Variants in IARS2 observed in about 807,000 individuals in gnomAD.
IARS2 encodes the protein isoleucyl-tRNA synthetase 2, mitochondrial, also known as isoleucine--tRNA ligase, mitochondrial.
Under a neutral mutation model 126.3 loss-of-function variants are expected in IARS2, and 56 were observed. The ratio of observed to expected loss-of-function variants is 0.44; its 90% CI spans 0.36 to 0.55. The LOEUF is 0.55. Among genes scored for constraint, IARS2 ranks in the 20% least tolerant of loss-of-function variants. The probability of loss-of-function intolerance (pLI) is 0.00; values close to 1 mark genes in which losing one functional copy is unlikely to be tolerated. For missense variants in IARS2, 1,127 were observed against 1,245.9 expected (o/e 0.90, Z 1.44); for synonymous variants, 407 against 441.1 (o/e 0.92, Z 0.97).
At chr1:220,142,069 G>A (rs529829903) in intron 20 of IARS2, 121 bp downstream of exon 20, 12 of 892,412 alleles carry the variant, frequency 1.3e-5, no homozygotes, top group Non-Finnish European at 1.9e-5. Flanking sequence ...GTGTGACACA[G>A]TGTGTCTTGG....
chr1:220,143,058 G>C lies in IARS2; in HGVS notation c.2675G>C (p.Ser892Thr). The C allele has an allele frequency of 6.2e-7, 1 of 1,614,158 alleles. No individual in the cohort carries two copies. The highest frequency in any genetic ancestry group is 8.5e-7 in the Non-Finnish European group (1 of 1,180,012). The change falls in exon 21 of 23, where the codon AGC (serine) becomes ACC (threonine). Residue 892 changes from serine to threonine, a missense_variant. Ser to Thr is a moderately conservative substitution (Grantham distance 58). Coordinates refer to ENST00000366922, the MANE Select transcript of IARS2 (RefSeq NM_018060.4). ...ACAMRDSFLG[S>T]IPGKNAAEYK... ...GCAATGCGAGACTCATTTCTTGGAA[G>C]CATCCCTGGCAAAAATGCAGCTGAG...
At chr1:220,128,517 GTGA>G (rs1657197382) in intron 14 of IARS2, among the ~76,000 whole-genome samples, 4 of 152,162 alleles carry the variant, frequency 2.6e-5, no homozygotes, top group Admixed American at 2.6e-4. Flanking sequence ...TGTTCACACA[GTGA>G]TGAAATCACC....
At chr1:220,132,533 T>TTC (rs1479250286) in intron 14 of IARS2, among the ~76,000 whole-genome samples, 1 of 150,006 alleles carries the variant, frequency 6.7e-6, no homozygotes, top group Non-Finnish European at 1.5e-5. Flanking sequence ...CTCTTTTTTT[T>TTC]TTTTTTTTTT....
Position 220,140,204 on chromosome 1 carries a change from T to C in IARS2, c.2329T>C (p.Tyr777His). The C allele has an allele frequency of 3.1e-6, 5 of 1,611,210 alleles. No individual in the cohort carries two copies. Among genetic ancestry groups the C allele is most frequent in the Non-Finnish European group, 4.2e-6 (5 of 1,177,476 alleles). ...ANKITELYKQ[Y>H]DFGKVVRLLR... ...CTAGATTACCGAATTATACAAACAA[T>C]ATGATTTTGGAAAAGTTGTTCGGCT... The change falls in exon 19 of 23, where the codon TAT becomes CAT. Residue 777 changes from tyrosine (Y) to histidine (H), a missense_variant. Physicochemically the swap from Tyr to His is moderately conservative, Grantham distance 83. Transcript: ENST00000366922.
At chr1:220,142,282 T>C (rs778092761) in intron 20 of IARS2, among the ~76,000 whole-genome samples, 1 of 152,134 alleles carries the variant, frequency 6.6e-6, no homozygotes, top group African/African-American at 2.4e-5. Flanking sequence ...GCAGATCACT[T>C]GAGGTCAGGA....
chr1:220,145,214 A>G (rs1164690737), intron 21 of IARS2, among the ~76,000 whole-genome samples: 1 of 152,182 alleles, frequency 6.6e-6, no homozygotes, highest in Non-Finnish European at 1.5e-5. Context: ...TGAGGATAAT[A>G]AACACCATAT....
chr1:220,135,247 C>T (rs900801030), intron 15 of IARS2, among the ~76,000 whole-genome samples: 1 of 152,174 alleles, frequency 6.6e-6, no homozygotes, highest in Non-Finnish European at 1.5e-5. Flanking sequence ...TCATTTAGTA[C>T]ACATAATTAC....
At chr1:220,106,136 T>A in intron 9 of IARS2, 76 bp downstream of exon 9, 22 of 1,280,276 alleles carry the variant, frequency 1.7e-5, no homozygotes, top group Non-Finnish European at 2.4e-5. Flanking sequence ...AACATCTTCA[T>A]TTTTTAAAAA....
intron 1 of IARS2, among the ~76,000 whole-genome samples, chr1:220,094,964 C>T (rs1346131695): frequency 6.6e-6 from 1 of 150,704 alleles, no homozygotes; most frequent in Non-Finnish European, 1.5e-5. Flanking sequence ...ACCCCCACCC[C>T]CCCGTCCTTA....
chr1:220,134,958 C>G (rs965398085), intron 15 of IARS2: 1 of 152,146 alleles, frequency 6.6e-6, no homozygotes. Flanking sequence ...TTTAGAGGTG[C>G]GTTCTCCTCC....
intron 20 of IARS2, among the ~76,000 whole-genome samples, chr1:220,142,419 T>C (rs1412972311): frequency 6.6e-6 from 1 of 152,158 alleles, no homozygotes; most frequent in Non-Finnish European, 1.5e-5. Flanking sequence ...GGAGAATTGC[T>C]TGAACTCGGG....
chr1:220,105,414 AT>A (rs2102820016), intron 8 of IARS2, among the ~76,000 whole-genome samples: 1 of 152,300 alleles, frequency 6.6e-6, no homozygotes, highest in East Asian at 1.9e-4. Context: ...TTGAGTTGCT[AT>A]TTGAGTCACC....
intron 12 of IARS2, chr1:220,117,756 G>A (rs911480060): frequency 2.8e-5 from 12 of 429,320 alleles, no homozygotes; most frequent in Non-Finnish European, 5.1e-5. Flanking sequence ...GTATATTTAT[G>A]TTTTATTTAC....
intron 22 of IARS2, among the ~76,000 whole-genome samples, chr1:220,145,963 TC>T (rs1214635391): frequency 3.3e-5 from 5 of 152,152 alleles, no homozygotes; most frequent in Non-Finnish European, 7.4e-5. Flanking sequence ...CTCTTTTGTG[TC>T]CCCCTGCTTT....
intron 12 of IARS2, chr1:220,118,159 G>C: frequency 2.0e-6 from 1 of 501,290 alleles, no homozygotes; most frequent in South Asian, 1.5e-5. Context: ...GTAGCAAGTT[G>C]GTAACCATCA....
chr1:220,101,871 G>A (rs1159224494), intron 3 of IARS2, among the ~76,000 whole-genome samples: 1 of 151,640 alleles, frequency 6.6e-6, no homozygotes, highest in African/African-American at 2.4e-5. Context: ...CGTGGTGGCG[G>A]GCGCCTGTAG....
At position 220,141,730 on chromosome 1, in the gene IARS2, T is replaced by C. The variant is rs914869962; in HGVS notation, c.2415-73T>C. On this transcript the variant is annotated intron_variant, in intron 19 of 22. Coordinates refer to ENST00000366922, the MANE Select transcript of IARS2 (RefSeq NM_018060.4). ...TTAGCCACTAGGAATAAACTCAACCTGAGGCAGGTCCCATCTAGGTGACCA... is the reference window on the plus strand; with the variant it reads ...TTAGCCACTAGGAATAAACTCAACCCGAGGCAGGTCCCATCTAGGTGACCA... 9 of 1,476,304 alleles carry C rather than the reference T, an allele frequency of 6.1e-6. No individual in the cohort carries two copies. In the African/African-American group the frequency reaches 1.1e-4, roughly 18 times the overall value. 91.5% of individuals were successfully genotyped at this position (1,476,304 alleles called of 1,614,324 possible).
intron 14 of IARS2, among the ~76,000 whole-genome samples, chr1:220,128,248 T>C (rs956955182): frequency 1.3e-4 from 1 of 7,890 alleles, no homozygotes; most frequent in South Asian, 3.8e-3. Flanking sequence ...CATATGGGGG[T>C]GGGGGGCTGG....
chr1:220,142,907 G>A, intron 20 of IARS2, 37 bp from the exon 21 acceptor site: 1 of 1,476,714 alleles, frequency 6.8e-7, no homozygotes. Flanking sequence ...AGTTTAGGAT[G>A]TTTGTAAAGC....
Sources: allele counts gnomAD v4.1 joint callset (sites outside exome capture counted in the v4.1 genomes callset), GRCh38; gene constraint gnomAD v4.1.1; transcripts MANE v1.5; gene names NCBI Gene and HGNC (gene_info 2026-07-23, HGNC 2026-07-21).